NLRP12: variants seen among roughly 807,000 people sequenced by gnomAD.
The protein encoded by NLRP12 is NACHT, LRR and PYD domains-containing protein 12.
Under a neutral mutation model 91.2 loss-of-function variants are expected in NLRP12, and 108 were observed. That is an observed-to-expected ratio of 1.18 (90% CI 1.01 to 1.39). NLRP12 has a LOEUF of 1.39. Among genes scored for constraint, NLRP12 ranks in the 40% most tolerant of loss-of-function variants. The probability of loss-of-function intolerance (pLI) is 0.00; values close to 1 mark genes in which losing one functional copy is unlikely to be tolerated. For missense variants in NLRP12, 1,530 were observed against 1,352.7 expected, an observed-to-expected ratio of 1.13 and a Z score of -2.06; for synonymous variants, 613 against 566.7, an observed-to-expected ratio of 1.08 and a Z score of -1.16.
chr19:53,819,515 A>G (rs2092223715), intron 1 of NLRP12, among the ~76,000 whole-genome samples: 1 of 101,068 alleles, frequency 9.9e-6, no homozygotes, highest in African/African-American at 3.9e-5. Context: ...ATGTATACAT[A>G]TGTGTATATA....
chr19:53,812,967 G>A (rs946256958), intron 2 of NLRP12, among the ~76,000 whole-genome samples: 23 of 144,232 alleles, frequency 1.6e-4, no homozygotes, highest in African/African-American at 4.1e-4. Flanking sequence ...TGCAAACTCC[G>A]CCTCCCAGGC....
At chr19:53,805,243 T>C in intron 5 of NLRP12, 37 bp downstream of exon 5, 2 of 1,595,704 alleles carry the variant, frequency 1.3e-6, no homozygotes, top group Non-Finnish European at 1.7e-6. Flanking sequence ...CAGGAGACAA[T>C]GAGCTTAAGA....
intron 1 of NLRP12, among the ~76,000 whole-genome samples, chr19:53,821,666 T>TCAA (rs200240592): frequency 2.0e-4 from 31 of 151,974 alleles, no homozygotes; most frequent in African/African-American, 6.3e-4. Context: ...AGACTCTGTT[T>TCAA]CAACAACAAC....
intron 3 of NLRP12, 51 bp downstream of exon 3, chr19:53,809,536 A>G (rs756849000): frequency 6.8e-7 from 1 of 1,460,824 alleles, no homozygotes; most frequent in South Asian, 1.3e-5. Flanking sequence ...AAAAAAAAAA[A>G]AAAAACACAC....
At chr19:53,801,448 CTTT>C (rs11417138) in intron 6 of NLRP12, 51 bp from the exon 7 acceptor site, 19,786 of 1,246,790 alleles carry the variant, frequency 0.016, 1 homozygote, top group Middle Eastern at 0.019. Flanking sequence ...CTTTCTTTTT[CTTT>C]TTTTTTTTTT....
Position 53,809,638 on chromosome 19 carries a change from C to T in NLRP12, c.2021G>A (p.Gly674Glu). ...HLYGATYSAD[G>E]EDRARCSAGA... The stretch of plus-strand genomic sequence containing the variant: ...TGCGGAGCACCTCGCGCGGTCTTCC[C>T]CGTCCGCGCTGTAGGTGGCGCCATA... The change falls in exon 3 of 10, where the codon GGG (glycine) becomes GAG (glutamate). Residue 674 changes from glycine (G) to glutamate (E), a missense_variant. Physicochemically the swap from Gly to Glu is moderately conservative, Grantham distance 98. Coordinates refer to ENST00000324134, the MANE Select transcript of NLRP12 (RefSeq NM_144687.4). The T allele has an allele frequency of 6.2e-7, 1 of 1,613,696 alleles. No individual in the cohort carries two copies. The highest frequency in any genetic ancestry group is 1.3e-5 in the African/African-American group (1 of 75,034).
chr19:53,822,290 G>C (rs1008418518), intron 1 of NLRP12, among the ~76,000 whole-genome samples: 1 of 152,094 alleles, frequency 6.6e-6, no homozygotes, highest in African/African-American at 2.4e-5. Flanking sequence ...TAGAATTCCA[G>C]ATCTCCCAGG....
In NLRP12 at chr19:53,823,104, T is replaced by TATAC. The variant is rs137959316; in HGVS notation, c.289+781_289+782insGTAT. 2.1e-5 allele frequency among the ~76,000 whole-genome samples: 3 copies of TATAC among 141,146 alleles called. No individual in the cohort carries two copies. In the East Asian group the frequency reaches 6.2e-4, roughly 29 times the overall value. The allele number at this position is 141,146 out of a possible 152,430, so 92.6% of individuals were successfully genotyped here. On this transcript the variant is annotated intron_variant, in intron 1 of 9. Transcript: ENST00000324134. The stretch of plus-strand genomic sequence containing the variant: ...TAAAATATATATACACACACACATA[T>TATAC]ACACACACATATATATACACATATA...
chr19:53,822,021 A>G (rs1354244525), intron 1 of NLRP12, among the ~76,000 whole-genome samples: 3 of 152,208 alleles, frequency 2.0e-5, no homozygotes, highest in African/African-American at 7.2e-5. Flanking sequence ...CAAAGACTGC[A>G]TGTTCTCACT....
In NLRP12 at chr19:53,810,276, C is replaced by CA. The variant is rs753306182; in HGVS notation, c.1382dup (p.Leu461PhefsTer17). On this transcript the variant is annotated frameshift_variant, in exon 3 of 10. Transcript: ENST00000324134. LOFTEE classifies it high-confidence loss of function. ...AGAGCCCATCTGCCGCCAAGGAGCA[C>CA]AACCCTCTCTGGTTGGGTGGGGGCT... is the stretch of plus-strand genomic sequence containing the variant. The CA allele has an allele frequency of 6.8e-6, 11 of 1,614,052 alleles. No individual in the cohort carries two copies. The East Asian group carries it at 2.5e-4, about 36-fold the overall frequency.
intron 1 of NLRP12, among the ~76,000 whole-genome samples, chr19:53,819,568 T>TGCGTATATATGTATACGTATATAC (rs1568696172): frequency 4.2e-4 from 14 of 32,960 alleles, no homozygotes; most frequent in South Asian, 1.0e-3. Flanking sequence ...TACGTATATA[T>TGCGTATATATGTATACGTATATAC]ATGCGTATAT....
chr19:53,809,546 CG>C, intron 3 of NLRP12, 40 bp downstream of exon 3: 40 of 1,029,980 alleles, frequency 3.9e-5, no homozygotes, highest in Non-Finnish European at 5.4e-5. Context: ...AAAAAACACA[CG>C]AACCTAAGCA....
rs2092060447 is a variant in NLRP12, at chr19:53,810,870, G to A, written c.789C>T (p.Ser263=). Residue 263 remains serine (S), a synonymous_variant, in exon 3 of 10, where the codon AGC becomes AGT. Coordinates refer to ENST00000324134, the MANE Select transcript of NLRP12 (RefSeq NM_144687.4). ...REMNQSATEC[S]MQDLIFSCWP... ...AGCAGCTGAAGATGAGGTCTTGCAT[G>A]CTGCATTCCGTGGCACTCTGGTTCA... 6.2e-7 allele frequency: 1 copy of A among 1,614,092 alleles called. No homozygotes were observed. Among genetic ancestry groups the A allele is most frequent in the East Asian group, 2.2e-5 (1 of 44,880 alleles).
At chr19:53,793,674 TC>T, downstream of NLRP12, 1 of 295,974 alleles carries the variant, frequency 3.4e-6, no homozygotes, top group Non-Finnish European at 6.5e-6. Flanking sequence ...AACCTCCACC[TC>T]CCGGGTTCAA....
At chr19:53,800,571 G>A (rs1405052866) in intron 7 of NLRP12, among the ~76,000 whole-genome samples, 1 of 138,310 alleles carries the variant, frequency 7.2e-6, no homozygotes, top group East Asian at 2.0e-4. Flanking sequence ...AGGGCCGTGC[G>A]TCAGAAAACC....
intron 3 of NLRP12, 29 bp from the exon 4 acceptor site, chr19:53,807,694 TG>T (rs1568672230): frequency 1.2e-6 from 2 of 1,612,890 alleles, no homozygotes; most frequent in East Asian, 4.5e-5. Flanking sequence ...GGCCACTCTC[TG>T]GTGTTACTGG....
chr19:53,819,919 A>C (rs1328940473), intron 1 of NLRP12, among the ~76,000 whole-genome samples: 1 of 150,946 alleles, frequency 6.6e-6, no homozygotes, highest in Non-Finnish European at 1.5e-5. Context: ...GGAAGGAGGG[A>C]AGAAAGGCTA....
At chr19:53,795,189 G>A (rs555572851) in intron 9 of NLRP12, among the ~76,000 whole-genome samples, 10 of 151,370 alleles carry the variant, frequency 6.6e-5, no homozygotes, top group African/African-American at 1.7e-4. Context: ...GATTACAGGC[G>A]CCATCCCCTG....
chr19:53,817,590 G>A (rs1422236915), intron 1 of NLRP12, among the ~76,000 whole-genome samples: 1 of 151,390 alleles, frequency 6.6e-6, no homozygotes, highest in Non-Finnish European at 1.5e-5. Context: ...ACAAAAATTA[G>A]CTGGGCGTGG....
Sources: allele counts gnomAD v4.1 joint callset (sites outside exome capture counted in the v4.1 genomes callset), GRCh38; gene constraint gnomAD v4.1.1; transcripts MANE v1.5; gene names NCBI Gene and HGNC (gene_info 2026-07-23, HGNC 2026-07-21).